The following ABCG8 variants were observed in gnomAD, a reference collection of about 807,000 sequenced individuals.
ABCG8 encodes the protein ATP-binding cassette sub-family G member 8.
A neutral mutation model predicts 71.3 loss-of-function variants in ABCG8; 81 were observed. The ratio of observed to expected loss-of-function variants is 1.14; its 90% CI spans 0.95 to 1.37. The LOEUF (loss-of-function observed/expected upper bound fraction) is 1.37, where lower values mean the gene tolerates loss of function less well. Ranked by LOEUF, ABCG8 falls within the 40% of genes most tolerant of loss-of-function variation. The pLI is 0.00. For synonymous variants in ABCG8, 451 were observed against 354.7 expected, an observed-to-expected ratio of 1.27 and a Z score of -3.05; for missense variants, 1,119 against 866.2, an observed-to-expected ratio of 1.29 and a Z score of -3.66.
In ABCG8 at chr2:43,872,324, T is replaced by C; in HGVS notation, c.1211+18T>C. ...CTGATCCGGTAATTATCTGTCATTT[T>C]ATTACTGAACCCGCCCCCCTGCCCA... On this transcript the variant is annotated intron_variant, in intron 8 of 12. Transcript: ENST00000272286. The C allele has an allele frequency of 6.2e-7, 1 of 1,610,474 alleles. No homozygotes were observed. The highest frequency in any genetic ancestry group is 2.2e-5 in the East Asian group (1 of 44,662).
At position 43,845,538 on chromosome 2, in the gene ABCG8, A is replaced by G. The variant is rs188228361; in HGVS notation, c.166-617A>G. 9.8e-5 allele frequency among the ~76,000 whole-genome samples: 15 copies of G among 152,354 alleles called. No individual in the cohort carries two copies. In the East Asian group the frequency reaches 2.5e-3, roughly 25 times the overall value. ...CATAGTAAACATCTGATAAATTATT[A>G]GTAAATTACTAGTATCAAGTGAAGA... is the stretch of plus-strand genomic sequence containing the variant. On this transcript the variant is annotated intron_variant, in intron 2 of 12. Coordinates refer to ENST00000272286, the MANE Select transcript of ABCG8 (RefSeq NM_022437.3).
rs1670010202 is a variant in ABCG8, at chr2:43,877,735, T to C, written c.1885-41T>C. The C allele has an allele frequency of 1.9e-6, 3 of 1,613,978 alleles. No homozygotes were observed. The African/African-American group carries it at 4.0e-5, about 22-fold the overall frequency. Reference sequence around the variant, plus strand: ...TTCTAAATTATTGGACGTCCGGCTTTCCATCCTCCTCATGAGCCCACTGCA... The same window carrying C: ...TTCTAAATTATTGGACGTCCGGCTTCCCATCCTCCTCATGAGCCCACTGCA... On this transcript the variant is annotated intron_variant, in intron 12 of 12. Coordinates refer to ENST00000272286, the MANE Select transcript of ABCG8 (RefSeq NM_022437.3).
intron 6 of ABCG8, among the ~76,000 whole-genome samples, chr2:43,869,748 T>G (rs528391371): frequency 6.6e-6 from 1 of 152,120 alleles, no homozygotes; most frequent in African/African-American, 2.4e-5. Flanking sequence ...GATAGAAGTG[T>G]CACTATCTGT....
rs763859383 is a variant in ABCG8 at position 43,877,799 on chromosome 2, C to T, written c.1908C>T (p.Asp636=). The stretch of plus-strand genomic sequence containing the variant: ...AGATCCTCAGTGTCATGGAGCTGGA[C>T]TCGTACCCTCTCTACGCCATCTACC... The part of the protein sequence containing the change: ...GDKILSVMEL[D]SYPLYAIYLI... The change falls in exon 13 of 13, where the codon GAC becomes GAT. Residue 636 remains aspartate (D), a synonymous_variant. Transcript: ENST00000272286. 6.2e-7 allele frequency: 1 copy of T among 1,614,180 alleles called. No individual in the cohort carries two copies. Among genetic ancestry groups the T allele is most frequent in the East Asian group, 2.2e-5 (1 of 44,878 alleles).
chr2:43,844,406 C>G (rs113179832), intron 1 of ABCG8, 101 bp from the exon 2 acceptor site: 2 of 892,074 alleles, frequency 2.2e-6, no homozygotes, highest in Non-Finnish European at 3.7e-6. Flanking sequence ...TTAACCACGT[C>G]GGCTCTAAGA....
chr2:43,862,591 T>C (rs1461867545), intron 6 of ABCG8, among the ~76,000 whole-genome samples: 2 of 57,096 alleles, frequency 3.5e-5, no homozygotes, highest in Non-Finnish European at 4.9e-5. Flanking sequence ...GAACTCTTAC[T>C]ACCTGGAAAC....
chr2:43,858,775 TCTGA>T (rs2104928116), intron 6 of ABCG8, among the ~76,000 whole-genome samples: 1 of 150,104 alleles, frequency 6.7e-6, no homozygotes, highest in East Asian at 2.0e-4. Context: ...TGGATAGAAC[TCTGA>T]CTATCTATTT....
At chr2:43,842,594 C>T (rs1029445825) in intron 1 of ABCG8, among the ~76,000 whole-genome samples, 2 of 152,020 alleles carry the variant, frequency 1.3e-5, no homozygotes, top group Non-Finnish European at 2.9e-5. Context: ...CTTGCTCTCT[C>T]AATTTGACAA....
Position 43,875,216 on chromosome 2 carries a change from A to C in ABCG8, c.1559A>C (p.Asn520Thr), listed in dbSNP as rs778893832. The C allele has an allele frequency of 6.2e-7, 1 of 1,614,198 alleles. No homozygotes were observed. Among genetic ancestry groups the C allele is most frequent in the Non-Finnish European group, 8.5e-7 (1 of 1,180,044 alleles). The change falls in exon 11 of 13, where the codon AAC becomes ACC. Residue 520 changes from asparagine to threonine, a missense_variant. By Grantham distance (65) the Asn-to-Thr change is moderately conservative. Transcript: ENST00000272286. Reference protein sequence around the residue: ...IYGMPTYWLANLRPGLQPFLL... With the variant: ...IYGMPTYWLATLRPGLQPFLL... ...GGGATGCCCACCTACTGGCTGGCCA[A>C]CCTGAGGCCAGGCCTCCAGCCCTTC...
intron 6 of ABCG8, among the ~76,000 whole-genome samples, chr2:43,864,939 ACTAT>A (rs1157239795): frequency 3.4e-5 from 5 of 147,648 alleles, no homozygotes; most frequent in South Asian, 4.4e-4. Flanking sequence ...TATAACTCTC[ACTAT>A]CTATCTAGAT....
intron 6 of ABCG8, among the ~76,000 whole-genome samples, chr2:43,861,054 C>A (rs1371322487): frequency 6.6e-6 from 1 of 151,414 alleles, no homozygotes; most frequent in African/African-American, 2.4e-5. Context: ...TTCTCACTCT[C>A]TGGATAGAAC....
At position 43,878,211 on chromosome 2, in the gene ABCG8, A is replaced by G. The variant is rs1670026384; in HGVS notation, c.*298A>G. On this transcript the variant is annotated 3_prime_UTR_variant, in exon 13 of 13. Transcript: ENST00000272286. ...CTTTTGATATGCATTTATATAGGCA[A>G]CTCGATATAGGATGGGAGCAAACTA... 4.7e-6 allele frequency: 2 copies of G among 425,460 alleles called. No homozygotes were observed. Among genetic ancestry groups the G allele is most frequent in the Admixed American group, 7.0e-5 (2 of 28,668 alleles). 26.4% of individuals were successfully genotyped at this position (425,460 alleles called of 1,614,324 possible).
chr2:43,854,076 A>G (rs1275364396), intron 6 of ABCG8, among the ~76,000 whole-genome samples: 1 of 152,240 alleles, frequency 6.6e-6, no homozygotes, highest in East Asian at 1.9e-4. Flanking sequence ...AAGTAACCCC[A>G]GAGAGGGGTT....
intron 6 of ABCG8, 102 bp downstream of exon 6, chr2:43,852,970 A>G: frequency 7.3e-7 from 1 of 1,364,102 alleles, no homozygotes; most frequent in Non-Finnish European, 1.0e-6. Flanking sequence ...AGAAACTCCC[A>G]GAGGTTTCAG....
At chr2:43,873,516 AT>A (rs1669851480) in intron 8 of ABCG8, among the ~76,000 whole-genome samples, 1 of 152,120 alleles carries the variant, frequency 6.6e-6, no homozygotes, top group Admixed American at 6.5e-5. Flanking sequence ...TATGGAAGTA[AT>A]TGATTTTTTC....
chr2:43,873,803 G>A lies in ABCG8; in HGVS notation c.1228G>A (p.Asp410Asn), dbSNP rs746141470. The change falls in exon 9 of 13, where the codon GAC becomes AAC. Residue 410 changes from aspartate to asparagine, a missense_variant. By Grantham distance (23) the Asp-to-Asn change is conservative. Coordinates refer to ENST00000272286, the MANE Select transcript of ABCG8 (RefSeq NM_022437.3). ...GTTTTTAAGTCGTCAGATTTCCAACGACTTCCGAGACCTGCCCACCCTCCT... is the reference window on the plus strand; with the variant it reads ...GTTTTTAAGTCGTCAGATTTCCAACAACTTCCGAGACCTGCCCACCCTCCT... Reference protein sequence around the residue: ...TTLIRRQISNDFRDLPTLLIH... With the variant: ...TTLIRRQISNNFRDLPTLLIH... 19 of 1,614,006 alleles carry A rather than the reference G, an allele frequency of 1.2e-5. No homozygotes were observed. Among genetic ancestry groups the A allele is most frequent in the East Asian group, 6.7e-5 (3 of 44,874 alleles).
chr2:43,878,777 C>G lies in ABCG8; in HGVS notation c.*864C>G, dbSNP rs1036661862. 6.6e-6 allele frequency: 1 copy of G among 152,290 alleles called. No individual in the cohort carries two copies. The highest frequency in any genetic ancestry group is 2.4e-5 in the African/African-American group (1 of 41,450). The allele number at this position is 152,290 out of a possible 1,614,324, so 9.4% of individuals were successfully genotyped here. On this transcript the variant is annotated 3_prime_UTR_variant, in exon 13 of 13. Coordinates refer to ENST00000272286, the MANE Select transcript of ABCG8 (RefSeq NM_022437.3). ...TTTCACTAACTGATATGGTTTGGCT[C>G]TGCGTCCTCACCCAAATCTCACCTT...
chr2:43,873,067 T>A (rs921251507), intron 8 of ABCG8, among the ~76,000 whole-genome samples: 3 of 152,204 alleles, frequency 2.0e-5, no homozygotes, highest in Non-Finnish European at 4.4e-5. Context: ...TGATTGGGTC[T>A]TCCTCGGCAT....
chr2:43,852,613 G>A lies in ABCG8; in HGVS notation c.709G>A (p.Asp237Asn), dbSNP rs201868259. The A allele has an allele frequency of 6.3e-5, 102 of 1,613,976 alleles. No individual in the cohort carries two copies. The highest frequency in any genetic ancestry group is 4.9e-4 in the Middle Eastern group (3 of 6,084). The change falls in exon 6 of 13, where the codon GAC (aspartate) becomes AAC (asparagine). Residue 237 changes from aspartate to asparagine, a missense_variant. Asp to Asn is a conservative substitution (Grantham distance 23). Coordinates refer to ENST00000272286, the MANE Select transcript of ABCG8 (RefSeq NM_022437.3). ...LLWNPGILIL[D>N]EPTSGLDSFT... ...GTGTTGGAAAGGAATCCTTATTCTCGACGAACCCACCTCTGGGCTCGACAG... is the reference window on the plus strand; with the variant it reads ...GTGTTGGAAAGGAATCCTTATTCTCAACGAACCCACCTCTGGGCTCGACAG...
Sources: allele counts gnomAD v4.1 joint callset (sites outside exome capture counted in the v4.1 genomes callset), GRCh38; gene constraint gnomAD v4.1.1; transcripts MANE v1.5; gene names NCBI Gene and HGNC (gene_info 2026-07-23, HGNC 2026-07-21).